C3orf85: variants seen among roughly 807,000 people sequenced by gnomAD.
C3orf85 encodes uncharacterized protein C3orf85.
In C3orf85, 1 loss-of-function variant was observed where a neutral mutation model predicts 1.7. The observed-to-expected ratio is 0.60, with a 90% CI of 0.21 to 2.86. The LOEUF is 2.86. Ranked by LOEUF, C3orf85 falls within the 30% of genes most tolerant of loss-of-function variation. The probability of loss-of-function intolerance (pLI) is 0.22; values close to 1 mark genes in which losing one functional copy is unlikely to be tolerated. For missense variants in C3orf85, 29 were observed against 21.3 expected (o/e 1.36, Z -0.72); for synonymous variants, 17 against 8.0 (o/e 2.13, Z -1.90).
chr3:109,142,121 C>T (rs1032114839), intron 2 of C3orf85, among the ~76,000 whole-genome samples: 23 of 152,264 alleles, frequency 1.5e-4, no homozygotes, highest in African/African-American at 5.5e-4. Flanking sequence ...AATCGTATAA[C>T]TCCCCCTACA....
Position 109,148,266 on chromosome 3 carries a change from G to A in C3orf85, c.63G>A (p.Ala21=), listed in dbSNP as rs561405125. ...CSTLLIGALG[A]PFLLEDPANQ... is the part of the protein sequence containing the mutation. Reference sequence around the variant, plus strand: ...TCTAAATTGCAGGAGCATTGGGAGCGCCATTTTTGTTGGAAGACCCTGCAA... The same window carrying A: ...TCTAAATTGCAGGAGCATTGGGAGCACCATTTTTGTTGGAAGACCCTGCAA... The change falls in exon 3 of 4, where the codon GCG becomes GCA. Residue 21 remains alanine (A), a synonymous_variant. Coordinates refer to ENST00000622536, the MANE Select transcript of C3orf85 (RefSeq NM_001351622.2). 19 of 701,832 alleles carry A rather than the reference G, an allele frequency of 2.7e-5. No homozygotes were observed. Among genetic ancestry groups the A allele is most frequent in the East Asian group, 8.0e-5 (3 of 37,270 alleles). 43.5% of individuals were successfully genotyped at this position (701,832 alleles called of 1,614,324 possible).
At chr3:109,144,974 AC>A (rs1706782189) in intron 2 of C3orf85, among the ~76,000 whole-genome samples, 1 of 152,200 alleles carries the variant, frequency 6.6e-6, no homozygotes, top group Non-Finnish European at 1.5e-5. Context: ...CTGAAAAGTG[AC>A]CCATTAGTGC....
intron 2 of C3orf85, among the ~76,000 whole-genome samples, chr3:109,138,465 T>G (rs1453178405): frequency 1.3e-5 from 2 of 152,236 alleles, no homozygotes; most frequent in Non-Finnish European, 2.9e-5. Flanking sequence ...TTTCTTTGCT[T>G]CTTTTCCTCC....
chr3:109,143,010 G>A (rs910861631), intron 2 of C3orf85, among the ~76,000 whole-genome samples: 12 of 152,292 alleles, frequency 7.9e-5, no homozygotes, highest in Non-Finnish European at 1.8e-4. Flanking sequence ...GCATGCCCTA[G>A]GAGGGCAGTT....
chr3:109,149,631 T>G (rs1387926868), intron 3 of C3orf85, 174 bp from the exon 4 acceptor site: 1 of 369,420 alleles, frequency 2.7e-6, no homozygotes, highest in African/African-American at 2.1e-5. Context: ...GTAAAATATC[T>G]GAGTATTGAA....
rs984644638 is a variant in C3orf85, at chr3:109,150,043, T to G, written c.*149T>G. On this transcript the variant is annotated 3_prime_UTR_variant, in exon 4 of 4. Transcript: ENST00000622536. ...TCTGTCTCAAAGTTGTTGAAAACAG[T>G]AGTTATGAAAACCCATGTAGGAAAC... 5.2e-6 allele frequency: 2 copies of G among 386,164 alleles called. No individual in the cohort carries two copies. Among genetic ancestry groups the G allele is most frequent in the African/African-American group, 4.2e-5 (2 of 48,144 alleles). 23.9% of individuals were successfully genotyped at this position (386,164 alleles called of 1,614,324 possible). A position where few individuals can be genotyped will look rare whatever the true frequency, so the allele number is the denominator to read the frequency against.
chr3:109,137,637 G>GTGTGTATATATATATATATATATATATA (rs751674362), intron 2 of C3orf85, among the ~76,000 whole-genome samples: 7 of 79,904 alleles, frequency 8.8e-5, no homozygotes, highest in Non-Finnish European at 1.9e-4. Context: ...GTGTGTGTGT[G>GTGTGTATATATATATATATATATATATA]TATATATATA....
At chr3:109,149,661 T>C (rs1199489569) in intron 3 of C3orf85, 144 bp from the exon 4 acceptor site, 1 of 387,068 alleles carries the variant, frequency 2.6e-6, no homozygotes, top group East Asian at 3.6e-5. Flanking sequence ...TAATTAAAAG[T>C]ATGAAAACCA....
intron 2 of C3orf85, among the ~76,000 whole-genome samples, chr3:109,145,964 A>G (rs1489916886): frequency 6.6e-6 from 1 of 152,188 alleles, no homozygotes; most frequent in Non-Finnish European, 1.5e-5. Context: ...CTCATTGTTG[A>G]AGTGTAACAA....
At chr3:109,145,635 G>A (rs537930127) in intron 2 of C3orf85, among the ~76,000 whole-genome samples, 15 of 152,176 alleles carry the variant, frequency 9.9e-5, no homozygotes, top group African/African-American at 2.6e-4. Context: ...TTTATGTTAC[G>A]CATATTTTAC....
Position 109,136,824 on chromosome 3 carries a change from T to C in C3orf85, c.-4-20T>C. 2.6e-6 allele frequency: 1 copy of C among 379,886 alleles called. No homozygotes were observed. Among genetic ancestry groups the C allele is most frequent in the East Asian group, 3.8e-5 (1 of 26,154 alleles). 23.5% of individuals were successfully genotyped at this position (379,886 alleles called of 1,614,324 possible). A position where few individuals can be genotyped will look rare whatever the true frequency, so the allele number is the denominator to read the frequency against. Reference sequence around the variant, plus strand: ...CCAGCTAAATTAAAGTAAATAAATCTTTTTTTTTTCCCAAAATAGGATCAT... The same window carrying C: ...CCAGCTAAATTAAAGTAAATAAATCCTTTTTTTTTCCCAAAATAGGATCAT... On this transcript the variant is annotated intron_variant, in intron 1 of 3. Coordinates refer to ENST00000622536, the MANE Select transcript of C3orf85 (RefSeq NM_001351622.2).
intron 2 of C3orf85, 89 bp from the exon 3 acceptor site, chr3:109,148,164 A>G (rs1253556792): frequency 1.6e-6 from 1 of 620,584 alleles, no homozygotes; most frequent in Non-Finnish European, 2.9e-6. Context: ...CAGCCTACCA[A>G]AGATCACAGC....
chr3:109,136,918 A>G (rs1235357453), intron 2 of C3orf85, 22 bp downstream of exon 2: 2 of 409,174 alleles, frequency 4.9e-6, no homozygotes, highest in African/African-American at 4.1e-5. Flanking sequence ...TTTCTTTTTT[A>G]TTTATCATGT....
intron 2 of C3orf85, among the ~76,000 whole-genome samples, chr3:109,138,885 G>T (rs1559968380): frequency 6.6e-6 from 1 of 152,158 alleles, no homozygotes. Context: ...TTTAGGTCAA[G>T]AATTGCCTTC....
chr3:109,141,574 G>C (rs1559968988), intron 2 of C3orf85, among the ~76,000 whole-genome samples: 2 of 150,906 alleles, frequency 1.3e-5, no homozygotes, highest in African/African-American at 2.4e-5. Context: ...TCCATTATCT[G>C]TCTCTCTCTC....
chr3:109,149,473 T>C (rs1706843484), intron 3 of C3orf85: 1 of 182,596 alleles, frequency 5.5e-6, no homozygotes, highest in Non-Finnish European at 1.1e-5. Flanking sequence ...TTAAGTAGGC[T>C]GGTAGACTGT....
At chr3:109,143,906 G>A (rs1706767658) in intron 2 of C3orf85, among the ~76,000 whole-genome samples, 1 of 152,070 alleles carries the variant, frequency 6.6e-6, no homozygotes, top group African/African-American at 2.4e-5. Context: ...TGTTTGCCTT[G>A]TTTCTACTTT....
rs901102311 is a variant in C3orf85, at chr3:109,148,278, G to C, written c.75G>C (p.Leu25Phe). 2.1e-5 allele frequency: 15 copies of C among 701,844 alleles called. No individual in the cohort carries two copies. In the African/African-American group the frequency reaches 2.4e-4, roughly 11 times the overall value. The allele number at this position is 701,844 out of a possible 1,614,324, so 43.5% of individuals were successfully genotyped here. The change falls in exon 3 of 4, where the codon TTG becomes TTC. Residue 25 changes from leucine to phenylalanine, a missense_variant. Leu to Phe is a conservative substitution (Grantham distance 22). Coordinates refer to ENST00000622536, the MANE Select transcript of C3orf85 (RefSeq NM_001351622.2). ...LIGALGAPFL[L>F]EDPANQFLRL... ...GAGCATTGGGAGCGCCATTTTTGTT[G>C]GAAGACCCTGCAAACCAGTTCCTAC...
At chr3:109,141,845 A>C (rs1009412076) in intron 2 of C3orf85, among the ~76,000 whole-genome samples, 8 of 152,166 alleles carry the variant, frequency 5.3e-5, no homozygotes, top group African/African-American at 1.7e-4. Context: ...GCCTGGCCAG[A>C]ATGGCAAACC....
Sources: allele counts gnomAD v4.1 joint callset (sites outside exome capture counted in the v4.1 genomes callset), GRCh38; gene constraint gnomAD v4.1.1; transcripts MANE v1.5; gene names NCBI Gene and HGNC (gene_info 2026-07-23, HGNC 2026-07-21).